Variants in C13orf46 observed in about 807,000 individuals in gnomAD.
The protein encoded by C13orf46 is chromosome 13 open reading frame 46, also known as uncharacterized protein C13orf46.
chr13:113,948,724 G>A (rs1466149237), downstream of C13orf46, among the ~76,000 whole-genome samples: 2 of 152,202 alleles, frequency 1.3e-5, no homozygotes, highest in East Asian at 3.8e-4. Context: ...TTGAATCTCA[G>A]TGTGCATGAG....
At chr13:113,945,605 G>GAAGAAAGAAAGAAAGAAAGAAAGAAAGA in the C13orf46 span, among the ~76,000 whole-genome samples, 1 of 93,708 alleles carries the variant, frequency 1.1e-5, no homozygotes, top group East Asian at 2.8e-4. Flanking sequence ...AAGAAAGAAA[G>GAAGAAAGAAAGAAAGAAAGAAAGAAAGA]AAGAAAGAAA....
At chr13:113,934,125 C>T in the C13orf46 span, among the ~76,000 whole-genome samples, 17 of 152,292 alleles carry the variant, frequency 1.1e-4, no homozygotes, top group East Asian at 3.9e-4. Flanking sequence ...GTTATGGGAA[C>T]GGAGTGCGGA....
At chr13:113,937,041 G>A in the C13orf46 span, among the ~76,000 whole-genome samples, 9 of 152,090 alleles carry the variant, frequency 5.9e-5, no homozygotes, top group African/African-American at 1.9e-4. Context: ...TGAGTTTTGC[G>A]GAAGGGTTAT....
chr13:113,954,929 G>A lies in C13orf46; in HGVS notation c.*1844C>T, dbSNP rs1432075971. 22 of 173,344 alleles carry A rather than the reference G, an allele frequency of 1.3e-4. No homozygotes were observed. Among genetic ancestry groups the A allele is most frequent in the South Asian group, 5.0e-4 (5 of 9,904 alleles). 10.7% of individuals were successfully genotyped at this position (173,344 alleles called of 1,614,324 possible). ...GCGGAGACGAGGAGGAGCATCTGGC[G>A]GAGACGAGGAGGAGGATCTGGCGGA... On this transcript the variant is annotated 3_prime_UTR_variant, in exon 7 of 7. Transcript: ENST00000636427.
chr13:113,938,402 T>G, the C13orf46 span, among the ~76,000 whole-genome samples: 1 of 152,282 alleles, frequency 6.6e-6, no homozygotes, highest in African/African-American at 2.4e-5. Flanking sequence ...GCCACTGCTT[T>G]CTTTTCTCAG....
At position 113,955,993 on chromosome 13, in the gene C13orf46, CAGAGA is replaced by C. The variant is rs2052527928; in HGVS notation, c.*775_*779del. The C allele has an allele frequency of 1.4e-5, 2 of 146,144 alleles. No individual in the cohort carries two copies. The highest frequency in any genetic ancestry group is 5.6e-5 in the African/African-American group (2 of 35,814). 9.1% of individuals were successfully genotyped at this position (146,144 alleles called of 1,614,324 possible). The stretch of plus-strand genomic sequence containing the variant: ...GGCGGAGACGAGGAGTAGGATCTGG[CAGAGA>C]GGAGGAGTAGGATCTGGCGGAGAGG... On this transcript the variant is annotated 3_prime_UTR_variant, in exon 7 of 7. Transcript: ENST00000636427.
At chr13:113,967,425 T>C (rs1259965113) in intron 4 of C13orf46, 37 bp from the exon 5 acceptor site, 1 of 152,272 alleles carries the variant, frequency 6.6e-6, no homozygotes, top group Admixed American at 6.5e-5. Context: ...GATGGCAGGC[T>C]TGGGTGAGCT....
intron 1 of C13orf46, among the ~76,000 whole-genome samples, chr13:113,973,279 A>G (rs1015567785): frequency 1.3e-5 from 2 of 152,162 alleles, no homozygotes; most frequent in African/African-American, 4.8e-5. Flanking sequence ...CTGGGAATGC[A>G]CGTGGACAGC....
chr13:113,934,093 C>T, the C13orf46 span, among the ~76,000 whole-genome samples: 7 of 152,136 alleles, frequency 4.6e-5, no homozygotes, highest in Admixed American at 2.6e-4. Flanking sequence ...CACCCGCCGG[C>T]GTCACTCATC....
At chr13:113,946,167 T>G in the C13orf46 span, among the ~76,000 whole-genome samples, 1 of 152,218 alleles carries the variant, frequency 6.6e-6, no homozygotes, top group Non-Finnish European at 1.5e-5. Context: ...CGGCTTTATT[T>G]GCGCCCCGCT....
the C13orf46 span, among the ~76,000 whole-genome samples, chr13:113,938,426 C>T: frequency 6.6e-6 from 1 of 152,216 alleles, no homozygotes; most frequent in African/African-American, 2.4e-5. Flanking sequence ...CCAGAGACGG[C>T]AGCAGCCTTG....
At chr13:113,973,077 CTT>C (rs1046727888) in intron 1 of C13orf46, among the ~76,000 whole-genome samples, 1 of 152,194 alleles carries the variant, frequency 6.6e-6, no homozygotes, top group Non-Finnish European at 1.5e-5. Context: ...GAAAATGAAT[CTT>C]GGGCCCTGAA....
chr13:113,964,786 C>G (rs904860574), intron 6 of C13orf46, 141 bp downstream of exon 6: 2 of 152,236 alleles, frequency 1.3e-5, no homozygotes, highest in African/African-American at 4.8e-5. Flanking sequence ...TGCTGAGCCT[C>G]GGCAGTGCCC....
At chr13:113,960,181 A>G (rs1200838885) in intron 6 of C13orf46, among the ~76,000 whole-genome samples, 4 of 152,052 alleles carry the variant, frequency 2.6e-5, no homozygotes, top group Non-Finnish European at 5.9e-5. Context: ...GCGTGAACCC[A>G]GGAGGCGGAG....
chr13:113,951,910 C>A (rs1033252318), downstream of C13orf46, among the ~76,000 whole-genome samples: 1 of 152,228 alleles, frequency 6.6e-6, no homozygotes, highest in Non-Finnish European at 1.5e-5. Context: ...CACAGTGCAA[C>A]GCGACCCCAC....
At chr13:113,961,820 G>A (rs1304963049) in intron 6 of C13orf46, among the ~76,000 whole-genome samples, 3 of 152,152 alleles carry the variant, frequency 2.0e-5, no homozygotes, top group Admixed American at 2.0e-4. Flanking sequence ...AGTGTGCAGA[G>A]CTGTGCGTGA....
the C13orf46 span, chr13:113,927,290 T>C: frequency 2.7e-6 from 1 of 365,376 alleles, no homozygotes; most frequent in Non-Finnish European, 4.9e-6. Flanking sequence ...GGGACCTTCA[T>C]ATGTGGGACA....
the C13orf46 span, among the ~76,000 whole-genome samples, chr13:113,939,523 G>A: frequency 1.3e-5 from 2 of 152,198 alleles, no homozygotes; most frequent in Non-Finnish European, 2.9e-5. Context: ...CACGTGGATG[G>A]GAAAGATGGG....
intron 2 of C13orf46, 62 bp downstream of exon 2, chr13:113,970,109 G>T (rs1350385385): frequency 6.6e-6 from 1 of 152,328 alleles, no homozygotes; most frequent in Admixed American, 6.6e-5. Flanking sequence ...ACCCTCTCCT[G>T]TGTCCACCTC....
Sources: allele counts gnomAD v4.1 joint callset (sites outside exome capture counted in the v4.1 genomes callset), GRCh38; gene constraint gnomAD v4.1.1; transcripts MANE v1.5; gene names NCBI Gene and HGNC (gene_info 2026-07-23, HGNC 2026-07-21).